MYRIP: variants seen among roughly 807,000 people sequenced by gnomAD.
MYRIP encodes the protein myosin VIIA and Rab interacting protein, also known as rab effector MyRIP.
In MYRIP, 49 loss-of-function variants were observed where a neutral mutation model predicts 98.0. The observed-to-expected ratio is 0.50, with a 90% CI of 0.40 to 0.63. The LOEUF (loss-of-function observed/expected upper bound fraction) is 0.63, where lower values mean the gene tolerates loss of function less well. MYRIP is among the 30% of genes least tolerant of loss of function. The probability of loss-of-function intolerance (pLI) is 0.00; values close to 1 mark genes in which losing one functional copy is unlikely to be tolerated. For missense variants in MYRIP, 1,004 were observed against 1,058.2 expected (o/e 0.95, Z 0.71); for synonymous variants, 404 against 409.5 (o/e 0.99, Z 0.16).
intron 5 of MYRIP, among the ~76,000 whole-genome samples, chr3:40,166,643 A>G (rs1253562320): frequency 6.6e-6 from 1 of 152,034 alleles, no homozygotes; most frequent in African/African-American, 2.4e-5. Flanking sequence ...GAATCAAACA[A>G]TTTGTTGCAA....
At chr3:40,163,867 T>C (rs1575588955) in intron 5 of MYRIP, among the ~76,000 whole-genome samples, 2 of 152,212 alleles carry the variant, frequency 1.3e-5, no homozygotes, top group South Asian at 2.1e-4. Flanking sequence ...AGAACCCTAA[T>C]ACAGATGACT....
chr3:40,150,332 C>T (rs1950096164), intron 3 of MYRIP, among the ~76,000 whole-genome samples: 1 of 152,128 alleles, frequency 6.6e-6, no homozygotes, highest in South Asian at 2.1e-4. Flanking sequence ...CTCAAGTGAT[C>T]CACCTGCCTC....
intron 1 of MYRIP, among the ~76,000 whole-genome samples, chr3:39,852,638 G>T (rs1361095541): frequency 6.6e-6 from 1 of 151,930 alleles, no homozygotes; most frequent in Non-Finnish European, 1.5e-5. Flanking sequence ...ATGATATTTG[G>T]TTTTCCATTT....
rs192580939 is a variant in MYRIP at position 39,820,131 on chromosome 3, T to C, written c.-31+10215T>C. Among the ~76,000 whole-genome samples, 763 of 152,236 alleles carry C rather than the reference T, an allele frequency of 5.0e-3. 8 individuals are homozygous for C. Among genetic ancestry groups the C allele is most frequent in the Non-Finnish European group, 4.4e-3 (296 of 68,014 alleles). ...ACGTGTGTGCCCCAGGAAGGATGAG[T>C]GCCTGGAAAACAGGTGCCCATGACC... On this transcript the variant is annotated intron_variant, in intron 1 of 16. Transcript: ENST00000302541.
chr3:39,938,888 C>T (rs1476113729), intron 2 of MYRIP, among the ~76,000 whole-genome samples: 3 of 152,144 alleles, frequency 2.0e-5, no homozygotes, highest in Non-Finnish European at 4.4e-5. Flanking sequence ...TAACATTCTA[C>T]ATCTCACAAG....
intron 3 of MYRIP, among the ~76,000 whole-genome samples, chr3:40,141,257 T>A (rs1378728197): frequency 6.6e-6 from 1 of 152,236 alleles, no homozygotes; most frequent in Admixed American, 6.5e-5. Context: ...TGTCTTCTTT[T>A]AAAAAATGTC....
intron 2 of MYRIP, among the ~76,000 whole-genome samples, chr3:39,971,170 T>G (rs751740065): frequency 1.1e-4 from 17 of 152,108 alleles, no homozygotes; most frequent in Non-Finnish European, 1.8e-4. Context: ...TTAATGTAGA[T>G]TCCTCTGGTG....
At chr3:39,895,524 T>TA (rs1491140920) in intron 1 of MYRIP, among the ~76,000 whole-genome samples, 4 of 46,608 alleles carry the variant, frequency 8.6e-5, no homozygotes, top group Admixed American at 5.5e-4. Flanking sequence ...CATATATATA[T>TA]TTTTTTTTCG....
At chr3:39,902,664 G>A (rs148515045) in intron 2 of MYRIP, among the ~76,000 whole-genome samples, 1 of 152,286 alleles carries the variant, frequency 6.6e-6, no homozygotes, top group East Asian at 1.9e-4. Context: ...AAGACCATCT[G>A]TGTGTCATGC....
At chr3:39,984,087 G>T (rs934629772) in intron 2 of MYRIP, among the ~76,000 whole-genome samples, 61 of 152,130 alleles carry the variant, frequency 4.0e-4, no homozygotes, top group Non-Finnish European at 6.5e-4. Flanking sequence ...TTCCCAATCT[G>T]GGGACTGGGT....
At chr3:39,832,229 C>T (rs1941472050) in intron 1 of MYRIP, among the ~76,000 whole-genome samples, 1 of 152,170 alleles carries the variant, frequency 6.6e-6, no homozygotes, top group Non-Finnish European at 1.5e-5. Flanking sequence ...TTGTAACAAC[C>T]TGGCACAAAT....
intron 8 of MYRIP, among the ~76,000 whole-genome samples, chr3:40,180,120 G>C (rs1211870736): frequency 6.6e-6 from 1 of 152,180 alleles, no homozygotes; most frequent in East Asian, 1.9e-4. Flanking sequence ...TGTGCCCTCA[G>C]AATGAAGGAG....
At position 39,845,292 on chromosome 3, in the gene MYRIP, T is replaced by C. The variant is rs182394148; in HGVS notation, c.-31+35376T>C. On this transcript the variant is annotated intron_variant, in intron 1 of 16. Transcript: ENST00000302541. ...TGGACATTTACTTTGGGCACAGATGTATGCCCTTGGGATGGTTGGTGTGAA... is the reference window on the plus strand; with the variant it reads ...TGGACATTTACTTTGGGCACAGATGCATGCCCTTGGGATGGTTGGTGTGAA... Among the ~76,000 whole-genome samples the C allele has an allele frequency of 3.3e-5, 5 of 152,312 alleles. No individual in the cohort carries two copies. The East Asian group carries it at 9.6e-4, about 29-fold the overall frequency.
rs560997046 is a variant in MYRIP, at chr3:40,034,276, T to C, written c.111-9774T>C. ...ACAGCAAAAGAAACTACCATCAGAGTGAACAGGCCACCTACAAAATGGGAG... is the reference window on the plus strand; with the variant it reads ...ACAGCAAAAGAAACTACCATCAGAGCGAACAGGCCACCTACAAAATGGGAG... On this transcript the variant is annotated intron_variant, in intron 2 of 16. Coordinates refer to ENST00000302541, the MANE Select transcript of MYRIP (RefSeq NM_015460.4). Among the ~76,000 whole-genome samples the C allele has an allele frequency of 2.6e-5, 4 of 151,910 alleles. No individual in the cohort carries two copies. The South Asian group carries it at 8.3e-4, about 32-fold the overall frequency.
At chr3:39,884,809 AT>A (rs67108421) in intron 1 of MYRIP, among the ~76,000 whole-genome samples, 146 of 139,198 alleles carry the variant, frequency 1.0e-3, no homozygotes, top group Middle Eastern at 3.5e-3. Flanking sequence ...AGTCATTATT[AT>A]TTTTTTTTTT....
chr3:40,105,461 G>C lies in MYRIP; in HGVS notation c.333-45587G>C, dbSNP rs1033657199. Among the ~76,000 whole-genome samples, 3 of 152,090 alleles carry C rather than the reference G, an allele frequency of 2.0e-5. No individual in the cohort carries two copies. In the South Asian group the frequency reaches 6.2e-4, roughly 32 times the overall value. ...GCATCTGTTTCTTGGGAGGCCTTAGGGAGCCTTTACTCATGGTGGAAGGCA... is the reference window on the plus strand; with the variant it reads ...GCATCTGTTTCTTGGGAGGCCTTAGCGAGCCTTTACTCATGGTGGAAGGCA... On this transcript the variant is annotated intron_variant, in intron 3 of 16. Transcript: ENST00000302541.
At chr3:40,219,224 G>C (rs1254630049) in intron 11 of MYRIP, among the ~76,000 whole-genome samples, 4 of 152,100 alleles carry the variant, frequency 2.6e-5, no homozygotes, top group Non-Finnish European at 4.4e-5. Flanking sequence ...ACAATTACTA[G>C]AATAAATTAT....
intron 4 of MYRIP, among the ~76,000 whole-genome samples, chr3:40,158,179 G>T (rs913565416): frequency 3.9e-5 from 6 of 151,986 alleles, no homozygotes; most frequent in African/African-American, 1.5e-4. Flanking sequence ...GCGTCCCAGA[G>T]ATTCCGGTAT....
chr3:39,850,327 TG>T (rs1942094579), intron 1 of MYRIP, among the ~76,000 whole-genome samples: 2 of 152,330 alleles, frequency 1.3e-5, no homozygotes, highest in Admixed American at 1.3e-4. Context: ...CAGTGTCCAC[TG>T]GTGCTTTCCA....
Sources: allele counts gnomAD v4.1 joint callset (sites outside exome capture counted in the v4.1 genomes callset), GRCh38; gene constraint gnomAD v4.1.1; transcripts MANE v1.5; gene names NCBI Gene and HGNC (gene_info 2026-07-23, HGNC 2026-07-21).